Variants in RGL3 observed in about 807,000 individuals in gnomAD.
The protein encoded by RGL3 is ral guanine nucleotide dissociation stimulator like 3, also known as ral guanine nucleotide dissociation stimulator-like 3.
In RGL3, 85 loss-of-function variants were observed where a neutral mutation model predicts 90.6. That is an observed-to-expected ratio of 0.94 (90% CI 0.79 to 1.12). RGL3 has a LOEUF of 1.12. Ranked by LOEUF, RGL3 falls within the 50% of genes most tolerant of loss-of-function variation. RGL3 has a pLI of 0.00. For missense variants in RGL3, 1,034 were observed against 939.2 expected (o/e 1.10, Z -1.32); for synonymous variants, 408 against 385.5 (o/e 1.06, Z -0.68).
intron 7 of RGL3, 98 bp downstream of exon 7, chr19:11,406,321 C>T (rs1568338610): frequency 8.2e-7 from 1 of 1,221,222 alleles, no homozygotes; most frequent in Admixed American, 2.3e-5. Flanking sequence ...CCGTTCCCTC[C>T]CTCGCCTAGA....
intron 7 of RGL3, among the ~76,000 whole-genome samples, chr19:11,405,744 G>A (rs1229416891): frequency 6.6e-6 from 1 of 150,560 alleles, no homozygotes; most frequent in Non-Finnish European, 1.5e-5. Context: ...CCCCCAGGCT[G>A]GAATGCAGTG....
chr19:11,403,194 C>T (rs1487851361), intron 9 of RGL3, among the ~76,000 whole-genome samples: 3 of 151,270 alleles, frequency 2.0e-5, no homozygotes, highest in African/African-American at 7.3e-5. Context: ...CCCCACCTCG[C>T]CCAGCTAATT....
intron 7 of RGL3, among the ~76,000 whole-genome samples, chr19:11,405,781 C>T (rs920825515): frequency 3.3e-5 from 5 of 151,322 alleles, no homozygotes; most frequent in African/African-American, 9.7e-5. Context: ...CTGCAACCTC[C>T]GCCTCCCGGG....
rs1432793527 is a variant in RGL3 at position 11,415,983 on chromosome 19, C to T, written c.591G>A (p.Glu197=). 1.9e-6 allele frequency: 3 copies of T among 1,613,834 alleles called. No individual in the cohort carries two copies. The highest frequency in any genetic ancestry group is 1.6e-4 in the Middle Eastern group (1 of 6,084). ...KAEKLLEDFL[E]EAEREQEEEP... is the part of the protein sequence containing the mutation. ...CCTCTTCCTGCTCTCGCTCAGCCTCCTCCAAAAAATCTTCCAGAAGCTTCT... is the reference window on the plus strand; with the variant it reads ...CCTCTTCCTGCTCTCGCTCAGCCTCTTCCAAAAAATCTTCCAGAAGCTTCT... The change falls in exon 5 of 19, where the codon GAG becomes GAA. Residue 197 remains glutamate, a synonymous_variant. Transcript: ENST00000380456.
chr19:11,415,296 A>C (rs1006007673), intron 5 of RGL3, among the ~76,000 whole-genome samples: 2 of 151,886 alleles, frequency 1.3e-5, no homozygotes, highest in African/African-American at 4.8e-5. Context: ...TTGAGCCTGC[A>C]CTGAGCCATG....
intron 7 of RGL3, among the ~76,000 whole-genome samples, chr19:11,405,742 C>T (rs886133360): frequency 2.0e-5 from 3 of 150,670 alleles, no homozygotes; most frequent in African/African-American, 7.3e-5. Flanking sequence ...ATCCCCCAGG[C>T]TGGAATGCAG....
At chr19:11,394,723 C>G (rs1034918125) in intron 18 of RGL3, 1 of 541,002 alleles carries the variant, frequency 1.8e-6, no homozygotes, top group Non-Finnish European at 3.4e-6. Context: ...TCATGCCTTC[C>G]CTTATCATAA....
Position 11,397,532 on chromosome 19 carries a change from GA to G in RGL3, c.1811del (p.Ile604ThrfsTer31). The G allele has an allele frequency of 6.2e-7, 1 of 1,612,528 alleles. No homozygotes were observed. ...CCGAGCTCTGCTGCGCCGGGAGGGG[GA>G]TTCGAGGGCTGCCCAGAGGCAAAGC... ...PFALPLGSPR[I>X]PLPAQQSSEA... On this transcript the variant is annotated frameshift_variant, in exon 17 of 19. Transcript: ENST00000380456. LOFTEE classifies it high-confidence loss of function.
rs771398199 is a variant in RGL3 at position 11,405,494 on chromosome 19, C to CTTTTTTTT, written c.997-76_997-69dup. On this transcript the variant is annotated intron_variant, in intron 7 of 18. Transcript: ENST00000380456. Reference sequence around the variant, plus strand: ...ACCTTTCATCCTGAAACTTCTTCATCTTTTTTTTTTTTTTTTTTTTTTTTT... The same window carrying CTTTTTTTT: ...ACCTTTCATCCTGAAACTTCTTCATCTTTTTTTTTTTTTTTTTTTTTTTTTTTTTTTTT... 6.2e-4 allele frequency: 101 copies of CTTTTTTTT among 164,012 alleles called. 12 individuals carry two copies. The highest frequency in any genetic ancestry group is 8.1e-4 in the Non-Finnish European group (67 of 82,302). 10.2% of individuals were successfully genotyped at this position (164,012 alleles called of 1,614,324 possible). A position where few individuals can be genotyped will look rare whatever the true frequency, so the allele number is the denominator to read the frequency against.
At position 11,402,063 on chromosome 19, in the gene RGL3, G is replaced by A. The variant is rs765029559; in HGVS notation, c.1432C>T (p.Pro478Ser). The change falls in exon 13 of 19, where the codon CCG (proline) becomes TCG (serine). Residue 478 changes from proline to serine, a missense_variant. Physicochemically the swap from Pro to Ser is moderately conservative, Grantham distance 74. Transcript: ENST00000380456. ...RCQSYTLSPHPPILAALHAQN... is the reference protein window; with the variant it reads ...RCQSYTLSPHSPILAALHAQN... ...GCATGCAGGGCAGCCAGGATGGGCG[G>A]GTGGGGGCTCAGGGTGTAGCTCTGA... The A allele has an allele frequency of 6.3e-7, 1 of 1,577,542 alleles. No individual in the cohort carries two copies. Among genetic ancestry groups the A allele is most frequent in the Admixed American group, 1.7e-5 (1 of 57,282 alleles).
chr19:11,396,154 ATATATTTTTTTTTT>A (rs1195689893), intron 18 of RGL3, among the ~76,000 whole-genome samples: 27 of 65,886 alleles, frequency 4.1e-4, no homozygotes, highest in African/African-American at 1.9e-3. Flanking sequence ...ATATATATAT[ATATATTTTTTTTTT>A]TTTTTTTTTT....
chr19:11,418,605 G>T (rs1452356633), intron 2 of RGL3, 66 bp downstream of exon 2: 2 of 1,296,730 alleles, frequency 1.5e-6, no homozygotes, highest in Non-Finnish European at 2.1e-6. Context: ...CCTGTGCTCG[G>T]CTCTCCAGCT....
chr19:11,399,237 C>T (rs761279006), intron 16 of RGL3, among the ~76,000 whole-genome samples: 12 of 152,128 alleles, frequency 7.9e-5, no homozygotes, highest in Non-Finnish European at 1.8e-4. Context: ...ACCGTGTCTG[C>T]CATGGTATGC....
intron 16 of RGL3, chr19:11,397,878 G>A (rs911032912): frequency 2.1e-4 from 49 of 230,034 alleles, no homozygotes; most frequent in African/African-American, 9.7e-4. Context: ...GCCTGGTGGC[G>A]CATGCCTGTA....
At chr19:11,408,592 A>C (rs2311503) in intron 5 of RGL3, among the ~76,000 whole-genome samples, 8,618 of 152,022 alleles carry the variant, frequency 0.057, 404 homozygotes, top group African/African-American at 0.12. Flanking sequence ...CTCAAAAAAA[A>C]AAAAAAAGAT....
intron 18 of RGL3, among the ~76,000 whole-genome samples, chr19:11,395,447 C>T (rs1599426804): frequency 6.6e-6 from 1 of 152,142 alleles, no homozygotes; most frequent in African/African-American, 2.4e-5. Context: ...GCCTCTCTCC[C>T]GTCCCAAGTT....
chr19:11,416,797 C>T lies in RGL3; in HGVS notation c.371+39G>A, dbSNP rs371786615. 7.5e-6 allele frequency: 12 copies of T among 1,609,826 alleles called. No homozygotes were observed. In the African/African-American group the frequency reaches 1.6e-4, roughly 22 times the overall value. On this transcript the variant is annotated intron_variant, in intron 3 of 18. Transcript: ENST00000380456. ...TGGAGGGGGGTGCCCAGTTGGGGTTCTAGGGTGGAGAATACGGAGGTTATG... is the reference window on the plus strand; with the variant it reads ...TGGAGGGGGGTGCCCAGTTGGGGTTTTAGGGTGGAGAATACGGAGGTTATG...
chr19:11,416,844 T>TG lies in RGL3; in HGVS notation c.362dup (p.Pro122ThrfsTer63). ...TATGGTTCGCTACTGACCCGGGAGG[T>TG]GGGGGCGGTGGCATTGGTGGCAGCA... On this transcript the variant is annotated frameshift_variant, in exon 3 of 19. Coordinates refer to ENST00000380456, the MANE Select transcript of RGL3 (RefSeq NM_001035223.4). LOFTEE classifies it high-confidence loss of function. 6.2e-7 allele frequency: 1 copy of TG among 1,611,866 alleles called. No homozygotes were observed. Among genetic ancestry groups the TG allele is most frequent in the South Asian group, 1.1e-5 (1 of 90,934 alleles).
rs1968779881 is a variant in RGL3, at chr19:11,406,431, G to T, written c.984C>A (p.Ile328=). The part of the protein sequence containing the change: ...PQRAQRLEKW[I]RIAQRCRELR... ...GCCCGCAACACACCTGGGCGATGCGGATCCACTTCTCCAGCCGCTGCGCCC... is the reference window on the plus strand; with the variant it reads ...GCCCGCAACACACCTGGGCGATGCGTATCCACTTCTCCAGCCGCTGCGCCC... Residue 328 remains isoleucine, a synonymous_variant, in exon 7 of 19, where the codon ATC becomes ATA. Coordinates refer to ENST00000380456, the MANE Select transcript of RGL3 (RefSeq NM_001035223.4). 2 of 1,538,470 alleles carry T rather than the reference G, an allele frequency of 1.3e-6. No homozygotes were observed. The highest frequency in any genetic ancestry group is 1.9e-4 in the Middle Eastern group (1 of 5,160).
Sources: gnomAD v4.1 joint callset for allele counts (sites outside exome capture counted in the v4.1 genomes callset) on GRCh38, gnomAD v4.1.1 for gene constraint, MANE v1.5 for transcripts, NCBI Gene and HGNC (gene_info 2026-07-23, HGNC 2026-07-21) for gene names.